Variants in SLC4A8 observed in about 807,000 individuals in gnomAD.
SLC4A8 encodes the protein electroneutral sodium bicarbonate exchanger 1.
SLC4A8 carries 40 observed loss-of-function variants against 125.0 expected under a neutral mutation model. The ratio of observed to expected loss-of-function variants is 0.32; its 90% confidence interval spans 0.25 to 0.42. The LOEUF (loss-of-function observed/expected upper bound fraction) is 0.42. Among genes scored for constraint, SLC4A8 ranks in the 10% least tolerant of loss-of-function variants. The pLI is 1.00. For missense variants in SLC4A8, 863 were observed against 1,355.1 expected (o/e 0.64, Z 5.70); for synonymous variants, 456 against 476.0 (o/e 0.96, Z 0.55).
Position 51,514,795 on chromosome 12 carries a change from C to T in SLC4A8, c.*7357C>T, listed in dbSNP as rs1938476885. The T allele has an allele frequency of 6.6e-6, 1 of 152,110 alleles. No homozygotes were observed. Among genetic ancestry groups the T allele is most frequent in the Non-Finnish European group, 1.5e-5 (1 of 68,026 alleles). The allele number at this position is 152,110 out of a possible 1,614,324, so 9.4% of individuals were successfully genotyped here. The stretch of plus-strand genomic sequence containing the variant: ...TTTCATCAGAAAGGAGGGTAATATT[C>T]ATAACCAAAAGAGATGTAAAGGAAG... On this transcript the variant is annotated 3_prime_UTR_variant, in exon 25 of 25. Transcript: ENST00000453097.
intron 23 of SLC4A8, among the ~76,000 whole-genome samples, chr12:51,504,526 T>C (rs1038622060): frequency 2.0e-5 from 3 of 152,230 alleles, no homozygotes; most frequent in Non-Finnish European, 4.4e-5. Context: ...AATAGAAAGA[T>C]TAGGATTCAA....
At chr12:51,489,120 T>C (rs1267491422) in intron 18 of SLC4A8, among the ~76,000 whole-genome samples, 1 of 152,246 alleles carries the variant, frequency 6.6e-6, no homozygotes, top group Non-Finnish European at 1.5e-5. Flanking sequence ...GTGATCCCTA[T>C]ATAGCTATAT....
At chr12:51,438,516 A>G (rs892535335) in intron 1 of SLC4A8, among the ~76,000 whole-genome samples, 1 of 152,140 alleles carries the variant, frequency 6.6e-6, no homozygotes, top group South Asian at 2.1e-4. Context: ...TATTTTCTTT[A>G]TCCATTCATC....
chr12:51,455,025 C>T (rs1372487520), intron 5 of SLC4A8, among the ~76,000 whole-genome samples: 2 of 109,440 alleles, frequency 1.8e-5, no homozygotes, highest in Non-Finnish European at 3.6e-5. Flanking sequence ...GAGCATGCTG[C>T]CTTCAAGCAT....
At chr12:51,404,737 T>C (rs889804516) in intron 1 of SLC4A8, among the ~76,000 whole-genome samples, 7 of 152,206 alleles carry the variant, frequency 4.6e-5, no homozygotes, top group African/African-American at 1.7e-4. Context: ...TCTTTTGGAC[T>C]CCTGGGTCCT....
intron 22 of SLC4A8, among the ~76,000 whole-genome samples, chr12:51,501,494 C>G (rs1268853001): frequency 6.6e-6 from 1 of 152,204 alleles, no homozygotes; most frequent in Non-Finnish European, 1.5e-5. Context: ...GTTTTGTTCT[C>G]TTTGTGGCTG....
In SLC4A8 at chr12:51,436,521, A is replaced by G. The variant is rs538732974; in HGVS notation, c.49-4187A>G. On this transcript the variant is annotated intron_variant, in intron 1 of 24. Coordinates refer to ENST00000453097, the MANE Select transcript of SLC4A8 (RefSeq NM_001039960.3). ...GCATATTCAAAAAAGTCTAGTTTCT[A>G]TCTTTGTCTCTTCCATCTTATTCCC... 3.9e-5 allele frequency among the ~76,000 whole-genome samples: 6 copies of G among 152,288 alleles called. No individual in the cohort carries two copies. The East Asian group carries it at 1.2e-3, about 29-fold the overall frequency.
Position 51,424,952 on chromosome 12 carries a change from T to G in SLC4A8, c.-36T>G. ...AGGGCGCGGGCTGCTGATGCTTGGC[T>G]TGGAGCCCGTGGGGGAGACCTAGTT... On this transcript the variant is annotated 5_prime_UTR_variant, in exon 1 of 25. Coordinates refer to ENST00000453097, the MANE Select transcript of SLC4A8 (RefSeq NM_001039960.3). The G allele has an allele frequency of 6.5e-7, 1 of 1,549,780 alleles. No homozygotes were observed. The highest frequency in any genetic ancestry group is 8.7e-7 in the Non-Finnish European group (1 of 1,146,448).
At chr12:51,500,014 C>A (rs2138435549) in intron 22 of SLC4A8, among the ~76,000 whole-genome samples, 1 of 152,206 alleles carries the variant, frequency 6.6e-6, no homozygotes, top group Admixed American at 6.5e-5. Context: ...GAATTGGGTA[C>A]TTATTTTGAA....
Position 51,461,278 on chromosome 12 carries a change from T to C in SLC4A8, c.1088T>C (p.Ile363Thr). ...GAGATTGGCAGATCCATGGCCACCATCATGACAGATGAGGTATGTGCAACT... is the reference window on the plus strand; with the variant it reads ...GAGATTGGCAGATCCATGGCCACCACCATGACAGATGAGGTATGTGCAACT... ...YHEIGRSMATIMTDEIFHDVA... is the reference protein window; with the variant it reads ...YHEIGRSMATTMTDEIFHDVA... Residue 363 changes from isoleucine (I) to threonine (T), a missense_variant, in exon 9 of 25, where the codon ATC (isoleucine) becomes ACC (threonine). By Grantham distance (89) the Ile-to-Thr change is moderately conservative (BLOSUM62 -1). Around this residue, in one of 6 missense-constraint regions of SLC4A8, gnomAD observed 390 missense variants for 634.4 expected, o/e 0.61. Coordinates refer to ENST00000453097, the MANE Select transcript of SLC4A8 (RefSeq NM_001039960.3). 6.2e-7 allele frequency: 1 copy of C among 1,601,000 alleles called. No individual in the cohort carries two copies. Among genetic ancestry groups the C allele is most frequent in the Non-Finnish European group, 8.6e-7 (1 of 1,168,236 alleles).
chr12:51,404,318 A>G (rs1376492584), intron 1 of SLC4A8, among the ~76,000 whole-genome samples: 1 of 152,176 alleles, frequency 6.6e-6, no homozygotes, highest in Non-Finnish European at 1.5e-5. Context: ...GCAGTCAAGT[A>G]CAAAGAACCT....
chr12:51,494,817 A>G, intron 20 of SLC4A8, 128 bp from the exon 21 acceptor site: 2 of 687,450 alleles, frequency 2.9e-6, no homozygotes, highest in Non-Finnish European at 2.3e-6. Flanking sequence ...CTCAGTTTCC[A>G]TTTCTGTCCA....
intron 1 of SLC4A8, among the ~76,000 whole-genome samples, chr12:51,428,757 G>A (rs1180820659): frequency 1.3e-5 from 2 of 152,246 alleles, no homozygotes; most frequent in Non-Finnish European, 2.9e-5. Context: ...TTTATTGAAT[G>A]CTTGCCATGT....
At position 51,457,570 on chromosome 12, in the gene SLC4A8, A is replaced by G. The variant is rs745609742; in HGVS notation, c.763+31A>G. 6 of 1,586,120 alleles carry G rather than the reference A, an allele frequency of 3.8e-6. No individual in the cohort carries two copies. In the East Asian group the frequency reaches 1.1e-4, roughly 30 times the overall value. ...ATTATTAGGTGATTTTTCTCTCTTT[A>G]TTAATAAGACATTGGGAACTAGTTG... On this transcript the variant is annotated intron_variant, in intron 6 of 24. Transcript: ENST00000453097.
intron 18 of SLC4A8, among the ~76,000 whole-genome samples, chr12:51,489,193 G>A (rs1282680457): frequency 6.6e-6 from 1 of 152,178 alleles, no homozygotes; most frequent in African/African-American, 2.4e-5. Flanking sequence ...CTGGGCCACT[G>A]TTTCCTAGAG....
At chr12:51,450,663 G>A (rs1235388877) in intron 2 of SLC4A8, 7 of 543,548 alleles carry the variant, frequency 1.3e-5, no homozygotes, top group South Asian at 2.5e-5. Context: ...TCCCTGTGAA[G>A]TTTGCAGGCA....
chr12:51,494,986 C>T lies in SLC4A8; in HGVS notation c.2811C>T (p.His937=), dbSNP rs149750901. The part of the protein sequence containing the change: ...RLKLFGMPAK[H]QPDFIYLRHV... Reference sequence around the variant, plus strand: ...AGCTCTTTGGGATGCCCGCAAAGCACCAGCCAGATTTCATCTACCTGCGGC... The same window carrying T: ...AGCTCTTTGGGATGCCCGCAAAGCATCAGCCAGATTTCATCTACCTGCGGC... The change falls in exon 21 of 25, where the codon CAC becomes CAT. Residue 937 remains histidine, a synonymous_variant. Coordinates refer to ENST00000453097, the MANE Select transcript of SLC4A8 (RefSeq NM_001039960.3). 273 of 1,614,204 alleles carry T rather than the reference C, an allele frequency of 1.7e-4. No individual in the cohort carries two copies. Among genetic ancestry groups the T allele is most frequent in the East Asian group, 3.1e-4 (14 of 44,880 alleles).
rs1950632101 is a variant in SLC4A8, at chr12:51,469,614, G to A, written c.1350G>A (p.Arg450=). 2 of 1,613,056 alleles carry A rather than the reference G, an allele frequency of 1.2e-6. No homozygotes were observed. The highest frequency in any genetic ancestry group is 2.2e-5 in the East Asian group (1 of 44,858). The change falls in exon 12 of 25, where the codon CGG becomes CGA. Residue 450 remains arginine, a splice_region_variant and synonymous_variant. Coordinates refer to ENST00000453097, the MANE Select transcript of SLC4A8 (RefSeq NM_001039960.3). ...HSGPELQRTG[R]LFGGLVLDIK... The stretch of plus-strand genomic sequence containing the variant: ...AAGCCTGTCTGTTGTGTTTCCACAG[G>A]CTATTTGGGGGCTTGGTGCTGGACA...
At chr12:51,484,954 A>G (rs1951124354) in intron 16 of SLC4A8, among the ~76,000 whole-genome samples, 1 of 152,166 alleles carries the variant, frequency 6.6e-6, no homozygotes, top group African/African-American at 2.4e-5. Context: ...CCAAGAGGTT[A>G]CCTGGAGGAA....
Sources: allele counts gnomAD v4.1 joint callset (sites outside exome capture counted in the v4.1 genomes callset), GRCh38; gene constraint gnomAD v4.1.1; regional missense constraint gnomAD v4.1.1; transcripts MANE v1.5; gene names NCBI Gene and HGNC (gene_info 2026-07-23, HGNC 2026-07-21).